The following TNS1 variants were observed in gnomAD, a reference collection of about 807,000 sequenced individuals.
The protein encoded by TNS1 is tensin-1.
Under a neutral mutation model 168.6 loss-of-function variants are expected in TNS1, and 62 were observed. The ratio of observed to expected loss-of-function variants is 0.37; its 90% CI spans 0.30 to 0.45. The LOEUF (loss-of-function observed/expected upper bound fraction) is 0.45. Ranked by LOEUF, TNS1 falls within the 20% of genes least tolerant of loss-of-function variation. The pLI is 1.00. For missense variants in TNS1, 2,240 were observed against 2,339.4 expected (o/e 0.96, Z 0.88); for synonymous variants, 934 against 933.2 (o/e 1.00, Z -0.02).
At chr2:217,864,757 C>T (rs1287838056) in intron 18 of TNS1, among the ~76,000 whole-genome samples, 1 of 152,358 alleles carries the variant, frequency 6.6e-6, no homozygotes, top group East Asian at 1.9e-4. Context: ...GTTTATAATT[C>T]ACACGAATGA....
At chr2:217,836,293 C>T in intron 19 of TNS1, 82 bp from the exon 20 acceptor site, 1 of 1,377,402 alleles carries the variant, frequency 7.3e-7, no homozygotes, top group Non-Finnish European at 9.8e-7. Flanking sequence ...TCAGAGAAGG[C>T]AGTGCCTCCT....
intron 5 of TNS1, 142 bp downstream of exon 5, chr2:217,907,068 C>T (rs1953795501): frequency 3.2e-6 from 2 of 634,466 alleles, no homozygotes; most frequent in South Asian, 3.6e-5. Context: ...CCACTACTTC[C>T]CTGCAAGTTC....
At chr2:217,909,808 C>T (rs1418822242) in intron 4 of TNS1, among the ~76,000 whole-genome samples, 2 of 152,168 alleles carry the variant, frequency 1.3e-5, no homozygotes, top group Admixed American at 6.5e-5. Context: ...AGCAGACTGC[C>T]CAGGTCCACA....
chr2:217,849,940 T>A, intron 18 of TNS1: 1 of 985,338 alleles, frequency 1.0e-6, no homozygotes, highest in Non-Finnish European at 1.2e-6. Context: ...TAGATTTGTC[T>A]CCAGCTCAAT....
At chr2:218,021,556 G>T (rs2106009559) in intron 1 of TNS1, among the ~76,000 whole-genome samples, 1 of 152,332 alleles carries the variant, frequency 6.6e-6, no homozygotes, top group Non-Finnish European at 1.5e-5. Context: ...CTGCACTGGG[G>T]TTCGAGTTCT....
chr2:217,850,636 C>A (rs1293519494), intron 18 of TNS1: 2 of 967,354 alleles, frequency 2.1e-6, no homozygotes, highest in African/African-American at 3.6e-5. Context: ...CACGCACGCA[C>A]CTCCCCTTAC....
At chr2:217,828,933 C>A (rs146401869) in intron 22 of TNS1, among the ~76,000 whole-genome samples, 1 of 152,276 alleles carries the variant, frequency 6.6e-6, no homozygotes, top group East Asian at 1.9e-4. Context: ...GGGGGCTCTG[C>A]GCCAGGAGAA....
chr2:217,865,145 G>T (rs909828569), intron 18 of TNS1, among the ~76,000 whole-genome samples: 9 of 152,192 alleles, frequency 5.9e-5, no homozygotes, highest in African/African-American at 2.2e-4. Context: ...TATGAGTCAA[G>T]GGGTCCCTGT....
intron 3 of TNS1, among the ~76,000 whole-genome samples, chr2:217,976,475 T>A (rs891972044): frequency 2.0e-5 from 3 of 152,152 alleles, no homozygotes; most frequent in Admixed American, 2.0e-4. Context: ...CACCAGTGGG[T>A]CCCATTCCCT....
Position 217,813,407 on chromosome 2 carries a change from G to T in TNS1, c.4862-100C>A. 9.1e-7 allele frequency: 1 copy of T among 1,093,176 alleles called. No homozygotes were observed. The highest frequency in any genetic ancestry group is 1.4e-6 in the Non-Finnish European group (1 of 736,296). 67.7% of individuals were successfully genotyped at this position (1,093,176 alleles called of 1,614,324 possible). A position where few individuals can be genotyped will look rare whatever the true frequency, so the allele number is the denominator to read the frequency against. On this transcript the variant is annotated intron_variant, in intron 26 of 32. Coordinates refer to ENST00000682258, the MANE Select transcript of TNS1 (RefSeq NM_001387777.1). This position sits in a 1 kb window ranked among gnomAD's most constrained non-coding sequence, Gnocchi z 4.0. ...AAACTTCCGCAGTGTGCGGGGCCAA[G>T]ATGGGAGAAATGACTGAAGAGAGAA...
At chr2:217,897,727 G>T in intron 8 of TNS1, 71 bp downstream of exon 8, 1 of 1,456,544 alleles carries the variant, frequency 6.9e-7, no homozygotes, top group Non-Finnish European at 9.2e-7. Flanking sequence ...AGGGATACCA[G>T]TCATGTAGAG....
intron 3 of TNS1, among the ~76,000 whole-genome samples, chr2:217,967,860 G>A (rs1340688209): frequency 6.6e-6 from 1 of 152,058 alleles, no homozygotes; most frequent in Admixed American, 6.5e-5. Context: ...GAAAACTACC[G>A]TCCAATATCT....
intron 1 of TNS1, among the ~76,000 whole-genome samples, chr2:218,030,584 C>G (rs1007925717): frequency 6.6e-6 from 1 of 152,220 alleles, no homozygotes; most frequent in Admixed American, 6.5e-5. Context: ...AATGAATGGC[C>G]AAGCGCATCT....
chr2:217,978,322 C>T (rs1957944746), intron 3 of TNS1, among the ~76,000 whole-genome samples: 1 of 152,216 alleles, frequency 6.6e-6, no homozygotes. Flanking sequence ...CTTCTCCTGC[C>T]CTCGGGGTCC....
chr2:217,824,023 T>C (rs1315905317), intron 22 of TNS1, among the ~76,000 whole-genome samples: 1 of 152,236 alleles, frequency 6.6e-6, no homozygotes, highest in South Asian at 2.1e-4. Context: ...CCAGTACACT[T>C]TTTTGTAAAG....
intron 23 of TNS1, among the ~76,000 whole-genome samples, chr2:217,819,588 T>TAA (rs1942493519): frequency 6.6e-6 from 1 of 152,146 alleles, no homozygotes; most frequent in South Asian, 2.1e-4. Flanking sequence ...AAGGTTCCCT[T>TAA]GTAAAGTTAA....
chr2:217,922,159 C>G lies in TNS1; in HGVS notation c.187-1923G>C, dbSNP rs142027010. 8.9e-4 allele frequency among the ~76,000 whole-genome samples: 136 copies of G among 152,288 alleles called. 1 individual carries two copies. The highest frequency in any genetic ancestry group is 3.1e-3 in the African/African-American group (130 of 41,570). The stretch of plus-strand genomic sequence containing the variant: ...GCTGGGGGAGAGGGTGCCAGGGTAA[C>G]AGACTGGGCGGGAAGGGGAGGTCCC... On this transcript the variant is annotated intron_variant, in intron 3 of 32. Transcript: ENST00000682258.
chr2:217,859,608 G>A (rs1948589468), intron 18 of TNS1: 2 of 1,529,170 alleles, frequency 1.3e-6, no homozygotes, highest in African/African-American at 1.4e-5. Flanking sequence ...CTAACTTTGG[G>A]AAGGCCAGTG....
Position 217,848,000 on chromosome 2 carries a change from C to A in TNS1, c.2517G>T (p.Met839Ile). The A allele has an allele frequency of 6.6e-7, 1 of 1,515,984 alleles. No individual in the cohort carries two copies. Among genetic ancestry groups the A allele is most frequent in the Non-Finnish European group, 8.8e-7 (1 of 1,130,068 alleles). 93.9% of individuals were successfully genotyped at this position (1,515,984 alleles called of 1,614,324 possible). A position where few individuals can be genotyped will look rare whatever the true frequency, so the allele number is the denominator to read the frequency against. Residue 839 changes from methionine (M) to isoleucine (I), a missense_variant, in exon 19 of 33, where the codon ATG (methionine) becomes ATT (isoleucine). Physicochemically the swap from Met to Ile is conservative, Grantham distance 10. This residue lies in a region of TNS1 where 2,131 missense variants were observed against 2,171.2 expected (regional missense o/e 0.98). Transcript: ENST00000682258. Reference sequence around the variant, plus strand: ...AGGCTGGCTCCAGGTCCAGCATCAGCATATTGAGTGTTTCGATGGACTGTT... The same window carrying A: ...AGGCTGGCTCCAGGTCCAGCATCAGAATATTGAGTGTTTCGATGGACTGTT... ...EIEQSIETLN[M>I]LMLDLEPASA...
Sources: gnomAD v4.1 joint callset for allele counts (sites outside exome capture counted in the v4.1 genomes callset) on GRCh38, gnomAD v4.1.1 for gene constraint, gnomAD v4.1.1 regional missense constraint, Gnocchi (gnomAD v3.1) non-coding constraint, MANE v1.5 for transcripts, NCBI Gene and HGNC (gene_info 2026-07-23, HGNC 2026-07-21) for gene names.